The following SARS1 variants were observed in gnomAD, a reference collection of about 807,000 sequenced individuals.
The protein encoded by SARS1 is seryl-tRNA synthetase 1.
SARS1 carries 25 observed loss-of-function variants against 63.7 expected under a neutral mutation model. The observed-to-expected ratio is 0.39, with a 90% CI of 0.29 to 0.55. The LOEUF (loss-of-function observed/expected upper bound fraction) is 0.55, where lower values mean the gene tolerates loss of function less well. Among genes scored for constraint, SARS1 ranks in the 20% least tolerant of loss-of-function variants. The probability of loss-of-function intolerance (pLI) is 0.62; values close to 1 mark genes in which losing one functional copy is unlikely to be tolerated. For synonymous variants in SARS1, 231 were observed against 243.5 expected (o/e 0.95, Z 0.48); for missense variants, 417 against 649.7 (o/e 0.64, Z 3.89).
At chr1:109,222,930 A>C (rs1007773178) in intron 1 of SARS1, among the ~76,000 whole-genome samples, 3 of 152,196 alleles carry the variant, frequency 2.0e-5, no homozygotes, top group Non-Finnish European at 4.4e-5. Flanking sequence ...TGGGAGGATC[A>C]CTTGAGTCCA....
chr1:109,237,855 C>T lies in SARS1; in HGVS notation c.1512C>T (p.Asn504=). 1 of 1,614,202 alleles carries T rather than the reference C, an allele frequency of 6.2e-7. No individual in the cohort carries two copies. Among genetic ancestry groups the T allele is most frequent in the Non-Finnish European group, 8.5e-7 (1 of 1,180,028 alleles). Residue 504 remains asparagine (N), a synonymous_variant, in exon 11 of 11, where the codon AAC becomes AAT. Transcript: ENST00000234677. The surrounding 1 kb of genome is among the most constrained non-coding windows in gnomAD (Gnocchi z 4.1). Reference sequence around the variant, plus strand: ...CAGCAAGAGACGTCACCCTAGAAAACAGGCTGCAGAACATGGAGGTCACCG... The same window carrying T: ...CAGCAAGAGACGTCACCCTAGAAAATAGGCTGCAGAACATGGAGGTCACCG... ...KAAARDVTLE[N]RLQNMEVTDA
At chr1:109,236,592 C>T (rs762235856) in intron 9 of SARS1, 44 bp downstream of exon 9, 17 of 1,579,474 alleles carry the variant, frequency 1.1e-5, no homozygotes, top group Admixed American at 5.3e-5. Context: ...CTTCAGTACA[C>T]GGCCCGTCCG....
At position 109,237,816 on chromosome 1, in the gene SARS1, C is replaced by T; in HGVS notation, c.1473C>T (p.Ser491=). ...SKKQKKQHEG[S]KKKAAARDVT... is the part of the protein sequence containing the mutation. The stretch of plus-strand genomic sequence containing the variant: ...AGCAGAAGAAGCAACATGAGGGCAG[C>T]AAAAAGAAAGCAGCAGCAAGAGACG... Residue 491 remains serine, a synonymous_variant, in exon 11 of 11, where the codon AGC becomes AGT. Coordinates refer to ENST00000234677, the MANE Select transcript of SARS1 (RefSeq NM_006513.4). The surrounding 1 kb of genome is among the most constrained non-coding windows in gnomAD (Gnocchi z 4.1). 1 of 1,614,148 alleles carries T rather than the reference C, an allele frequency of 6.2e-7. No homozygotes were observed. The highest frequency in any genetic ancestry group is 8.5e-7 in the Non-Finnish European group (1 of 1,180,022).
chr1:109,214,127 A>G lies in SARS1; in HGVS notation c.135A>G (p.Arg45=). The G allele has an allele frequency of 3.1e-6, 5 of 1,613,530 alleles. No homozygotes were observed. Among genetic ancestry groups the G allele is most frequent in the Non-Finnish European group, 4.2e-6 (5 of 1,179,686 alleles). Residue 45 remains arginine, a splice_region_variant and synonymous_variant, in exon 1 of 11, where the codon CGA becomes CGG. Transcript: ENST00000234677. The surrounding 1 kb of genome is among the most constrained non-coding windows in gnomAD (Gnocchi z 4.6). ...TGAAGGCAGACAGCGAGTGGCGACG[A>G]TGTAAGTACCGGGACGGGCGGGTTA... ...QLVKADSEWR[R]CRFRADNLNK... is the part of the protein sequence containing the mutation.
chr1:109,220,765 C>G (rs1373020254), intron 1 of SARS1, among the ~76,000 whole-genome samples: 1 of 151,994 alleles, frequency 6.6e-6, no homozygotes, highest in African/African-American at 2.4e-5. Context: ...TTCCAAAACA[C>G]AATAGATAAA....
chr1:109,233,785 C>T (rs997374253), intron 6 of SARS1, among the ~76,000 whole-genome samples: 3 of 151,664 alleles, frequency 2.0e-5, no homozygotes, highest in African/African-American at 7.3e-5. Flanking sequence ...CAACCTCTGC[C>T]TCCTGGGTTC....
intron 2 of SARS1, 75 bp downstream of exon 2, chr1:109,224,123 C>T (rs1042263213): frequency 2.7e-6 from 3 of 1,093,996 alleles, no homozygotes; most frequent in Non-Finnish European, 4.2e-6. Flanking sequence ...CTAATGTTCA[C>T]AGAAGTTCTA....
At chr1:109,229,722 G>A (rs974003756) in intron 4 of SARS1, 150 bp downstream of exon 4, 23 of 788,166 alleles carry the variant, frequency 2.9e-5, no homozygotes, top group Non-Finnish European at 4.6e-5. Flanking sequence ...AGAATTGCAG[G>A]AGTCAGATCC....
intron 6 of SARS1, among the ~76,000 whole-genome samples, chr1:109,234,560 G>A (rs936718280): frequency 6.6e-6 from 1 of 151,822 alleles, no homozygotes; most frequent in Non-Finnish European, 1.5e-5. Flanking sequence ...GCTCCACATT[G>A]GTGTTTAGTA....
chr1:109,216,777 C>T (rs983262826), intron 1 of SARS1: 1 of 450,500 alleles, frequency 2.2e-6, no homozygotes, highest in Non-Finnish European at 2.9e-6. Context: ...GCAATGCCAC[C>T]ATGCCTGGCT....
intron 1 of SARS1, 57 bp from the exon 2 acceptor site, chr1:109,223,921 A>G (rs2101191086): frequency 7.8e-7 from 1 of 1,275,358 alleles, no homozygotes; most frequent in East Asian, 2.3e-5. Context: ...ATCAGGAGAA[A>G]GGAGTATCTT....
chr1:109,214,974 A>G lies in SARS1; in HGVS notation c.136+846A>G, dbSNP rs1000367586. On this transcript the variant is annotated intron_variant, in intron 1 of 10. Coordinates refer to ENST00000234677, the MANE Select transcript of SARS1 (RefSeq NM_006513.4). This position sits in a 1 kb window ranked among gnomAD's most constrained non-coding sequence, Gnocchi z 4.6. ...GGTCGCTGGTTGGGCGGATGCTGTCAAGTACTTGTGATTTGATTTGTCTGA... is the reference window on the plus strand; with the variant it reads ...GGTCGCTGGTTGGGCGGATGCTGTCGAGTACTTGTGATTTGATTTGTCTGA... 5.1e-6 allele frequency: 5 copies of G among 985,352 alleles called. No individual in the cohort carries two copies. The highest frequency in any genetic ancestry group is 1.2e-4 in the Admixed American group (2 of 16,262). The allele number at this position is 985,352 out of a possible 1,614,324, so 61.0% of individuals were successfully genotyped here. A position where few individuals can be genotyped will look rare whatever the true frequency, so the allele number is the denominator to read the frequency against.
intron 2 of SARS1, 70 bp from the exon 3 acceptor site, chr1:109,228,282 G>C (rs774113880): frequency 8.7e-7 from 1 of 1,143,594 alleles, no homozygotes; most frequent in East Asian, 2.4e-5. Flanking sequence ...TTAATTTGGT[G>C]TACACTTTAT....
At chr1:109,233,020 A>G (rs1655238850) in intron 6 of SARS1, among the ~76,000 whole-genome samples, 1 of 152,194 alleles carries the variant, frequency 6.6e-6, no homozygotes, top group Non-Finnish European at 1.5e-5. Flanking sequence ...GTAAGAATGA[A>G]TATATCGCTG....
intron 5 of SARS1, 175 bp downstream of exon 5, chr1:109,231,196 A>C (rs1655204228): frequency 2.9e-6 from 1 of 347,858 alleles, no homozygotes. Flanking sequence ...TCTCTTTCTA[A>C]AGCAAGAGAG....
intron 1 of SARS1, among the ~76,000 whole-genome samples, chr1:109,218,661 C>G (rs1654849774): frequency 6.6e-6 from 1 of 152,142 alleles, no homozygotes; most frequent in Non-Finnish European, 1.5e-5. Context: ...TTTGCTCTAG[C>G]TTATTGCTAC....
intron 1 of SARS1, among the ~76,000 whole-genome samples, chr1:109,217,348 C>A (rs1654813410): frequency 6.6e-6 from 1 of 151,978 alleles, no homozygotes; most frequent in Non-Finnish European, 1.5e-5. Flanking sequence ...TACACAAACC[C>A]TATTTTATAA....
Position 109,236,007 on chromosome 1 carries a change from GACA to G in SARS1, c.1005_1007del (p.Asn335del). 1 of 1,613,206 alleles carries G rather than the reference GACA, an allele frequency of 6.2e-7. No individual in the cohort carries two copies. Among genetic ancestry groups the G allele is most frequent in the Non-Finnish European group, 8.5e-7 (1 of 1,179,530 alleles). ...ACAGTTTGTGTACTCATCACCCCAT[GACA>G]ACAAGTCATGGGAGATGTTTGAAGA... On this transcript the variant is annotated inframe_deletion, in exon 8 of 11. Coordinates refer to ENST00000234677, the MANE Select transcript of SARS1 (RefSeq NM_006513.4).
chr1:109,233,787 C>T (rs1655253636), intron 6 of SARS1, among the ~76,000 whole-genome samples: 1 of 151,102 alleles, frequency 6.6e-6, no homozygotes. Context: ...ACCTCTGCCT[C>T]CTGGGTTCAA....
Sources: gnomAD v4.1 joint callset for allele counts (sites outside exome capture counted in the v4.1 genomes callset) on GRCh38, gnomAD v4.1.1 for gene constraint, Gnocchi (gnomAD v3.1) non-coding constraint, MANE v1.5 for transcripts, NCBI Gene and HGNC (gene_info 2026-07-23, HGNC 2026-07-21) for gene names.